Variants in KCNH8 observed in about 807,000 individuals in gnomAD.
The protein encoded by KCNH8 is voltage-gated delayed rectifier potassium channel KCNH8.
A neutral mutation model predicts 103.6 loss-of-function variants in KCNH8; 70 were observed. That is an observed-to-expected ratio of 0.68 (90% CI 0.56 to 0.82). KCNH8 has a LOEUF of 0.82. Among genes scored for constraint, KCNH8 ranks in the 40% least tolerant of loss-of-function variants. The pLI is 0.00. For missense variants in KCNH8, 1,217 were observed against 1,329.9 expected (o/e 0.92, Z 1.32); for synonymous variants, 498 against 489.4 (o/e 1.02, Z -0.23).
intron 13 of KCNH8, among the ~76,000 whole-genome samples, chr3:19,514,278 A>G (rs2068836529): frequency 6.6e-6 from 1 of 152,060 alleles, no homozygotes; most frequent in Non-Finnish European, 1.5e-5. Flanking sequence ...TCATTAAGAT[A>G]AAATATTAAG....
chr3:19,248,924 C>G (rs901192787), intron 1 of KCNH8, among the ~76,000 whole-genome samples: 1 of 152,154 alleles, frequency 6.6e-6, no homozygotes, highest in African/African-American at 2.4e-5. Context: ...TCATGAGATT[C>G]TCTCTGAAGA....
chr3:19,398,362 G>A (rs2066556595), intron 7 of KCNH8, among the ~76,000 whole-genome samples: 1 of 151,948 alleles, frequency 6.6e-6, no homozygotes. Context: ...GAGATGACCT[G>A]AGTTTTAAAG....
intron 11 of KCNH8, among the ~76,000 whole-genome samples, chr3:19,487,816 C>G (rs1478057660): frequency 1.3e-5 from 2 of 152,172 alleles, no homozygotes; most frequent in Non-Finnish European, 2.9e-5. Flanking sequence ...CTCTTCCCAG[C>G]AAAGGCAAGG....
chr3:19,429,932 A>T (rs931447125), intron 7 of KCNH8, among the ~76,000 whole-genome samples: 2 of 152,182 alleles, frequency 1.3e-5, no homozygotes, highest in African/African-American at 4.8e-5. Context: ...TTAATGGTGT[A>T]TATCTACTAC....
chr3:19,533,130 G>C (rs1004557378), intron 15 of KCNH8, among the ~76,000 whole-genome samples: 1 of 151,600 alleles, frequency 6.6e-6, no homozygotes, highest in Non-Finnish European at 1.5e-5. Flanking sequence ...CGTGAACCTG[G>C]GAGGTGGAGC....
intron 3 of KCNH8, among the ~76,000 whole-genome samples, chr3:19,318,265 ATTTAT>A (rs999755607): frequency 3.3e-5 from 5 of 151,814 alleles, no homozygotes; most frequent in South Asian, 2.1e-4. Flanking sequence ...TGGGCAATTG[ATTTAT>A]TTTATTTTAT....
chr3:19,529,191 T>C (rs2069118262), intron 15 of KCNH8, among the ~76,000 whole-genome samples: 1 of 152,186 alleles, frequency 6.6e-6, no homozygotes, highest in Non-Finnish European at 1.5e-5. Context: ...AAAAAGATTG[T>C]ATTTTCTAAT....
intron 3 of KCNH8, among the ~76,000 whole-genome samples, chr3:19,305,003 T>C (rs1245116944): frequency 1.3e-5 from 2 of 152,010 alleles, no homozygotes; most frequent in Non-Finnish European, 2.9e-5. Context: ...TAGTCCATTA[T>C]GCCAGCTAAG....
Position 19,309,604 on chromosome 3 carries a change from A to T in KCNH8, c.442+28275A>T, listed in dbSNP as rs1207220647. The stretch of plus-strand genomic sequence containing the variant: ...CTAACATATATTATTCTATATAGTA[A>T]GATAGAGCTGCGAAAAAAGTGTTTC... On this transcript the variant is annotated intron_variant, in intron 3 of 15. Coordinates refer to ENST00000328405, the MANE Select transcript of KCNH8 (RefSeq NM_144633.3). 2.6e-5 allele frequency among the ~76,000 whole-genome samples: 4 copies of T among 152,044 alleles called. No homozygotes were observed. In the East Asian group the frequency reaches 7.7e-4, roughly 29 times the overall value.
intron 15 of KCNH8, among the ~76,000 whole-genome samples, chr3:19,519,481 T>C (rs74753344): frequency 0.018 from 2,715 of 151,216 alleles, 79 homozygotes; most frequent in African/African-American, 0.061. Context: ...CCATCTCCCT[T>C]CTGCACCTGC....
chr3:19,532,449 T>C (rs572504562), intron 15 of KCNH8, among the ~76,000 whole-genome samples: 15 of 152,324 alleles, frequency 9.8e-5, no homozygotes, highest in African/African-American at 3.4e-4. Context: ...GTAGCAAATC[T>C]GGTATGAGTT....
At chr3:19,173,088 T>TA (rs2063363520) in intron 1 of KCNH8, among the ~76,000 whole-genome samples, 1 of 152,178 alleles carries the variant, frequency 6.6e-6, no homozygotes, top group Non-Finnish European at 1.5e-5. Context: ...AATTGCCTAA[T>TA]AAGTTTTTGA....
chr3:19,199,381 A>C (rs564317623), intron 1 of KCNH8, among the ~76,000 whole-genome samples: 9 of 151,978 alleles, frequency 5.9e-5, no homozygotes, highest in Non-Finnish European at 1.3e-4. Context: ...CCTAAGAGGC[A>C]TCCTTTTTAA....
chr3:19,281,084 G>T, intron 2 of KCNH8, 114 bp from the exon 3 acceptor site: 2 of 1,035,338 alleles, frequency 1.9e-6, no homozygotes, highest in South Asian at 1.4e-5. Flanking sequence ...GATGGAGGGA[G>T]TTGTGGGATT....
intron 1 of KCNH8, among the ~76,000 whole-genome samples, chr3:19,179,732 A>G (rs1023193366): frequency 6.6e-6 from 1 of 152,146 alleles, no homozygotes; most frequent in East Asian, 1.9e-4. Flanking sequence ...GCTTGTTGAA[A>G]GATGCTGAAA....
intron 1 of KCNH8, among the ~76,000 whole-genome samples, chr3:19,163,803 G>T (rs534435041): frequency 6.6e-6 from 1 of 152,096 alleles, no homozygotes; most frequent in Non-Finnish European, 1.5e-5. Flanking sequence ...TAAGGATGAA[G>T]ACCTTTATGA....
chr3:19,377,107 G>T (rs1264632371), intron 5 of KCNH8, among the ~76,000 whole-genome samples: 1 of 152,202 alleles, frequency 6.6e-6, no homozygotes, highest in African/African-American at 2.4e-5. Context: ...TGCTATGCTA[G>T]GCAATGATGA....
chr3:19,162,678 A>C (rs1326421022), intron 1 of KCNH8, among the ~76,000 whole-genome samples: 1 of 152,162 alleles, frequency 6.6e-6, no homozygotes, highest in African/African-American at 2.4e-5. Flanking sequence ...GTTTTTAATT[A>C]GATAAATTTA....
intron 5 of KCNH8, among the ~76,000 whole-genome samples, chr3:19,351,436 G>A (rs1171875691): frequency 6.8e-6 from 1 of 147,880 alleles, no homozygotes; most frequent in Non-Finnish European, 1.5e-5. Flanking sequence ...ATAATTGTCA[G>A]ATTCACCAAA....
Sources: gnomAD v4.1 joint callset for allele counts (sites outside exome capture counted in the v4.1 genomes callset) on GRCh38, gnomAD v4.1.1 for gene constraint, MANE v1.5 for transcripts, NCBI Gene and HGNC (gene_info 2026-07-23, HGNC 2026-07-21) for gene names.